Variants in SYT9 observed in about 807,000 individuals in gnomAD.
The protein encoded by SYT9 is synaptotagmin 9.
In SYT9, 22 loss-of-function variants were observed where a neutral mutation model predicts 48.4. The observed-to-expected ratio is 0.45, with a 90% CI of 0.32 to 0.65. SYT9 has a LOEUF of 0.65. Ranked by LOEUF, SYT9 falls within the 30% of genes least tolerant of loss-of-function variation. The pLI is 0.03. For synonymous variants in SYT9, 265 were observed against 245.0 expected, an observed-to-expected ratio of 1.08 and a Z score of -0.76; for missense variants, 577 against 622.0, an observed-to-expected ratio of 0.93 and a Z score of 0.77.
At chr11:7,419,342 T>C (rs1225017176) in intron 5 of SYT9, among the ~76,000 whole-genome samples, 1 of 152,162 alleles carries the variant, frequency 6.6e-6, no homozygotes. Context: ...TCTGCATGCA[T>C]TTGATTTTAA....
At chr11:7,292,277 G>A (rs1848708701) in intron 1 of SYT9, among the ~76,000 whole-genome samples, 1 of 152,208 alleles carries the variant, frequency 6.6e-6, no homozygotes, top group Non-Finnish European at 1.5e-5. Context: ...GACATCCACT[G>A]AAGAAGTGTG....
intron 3 of SYT9, among the ~76,000 whole-genome samples, chr11:7,415,554 A>T (rs925923109): frequency 6.6e-6 from 1 of 152,052 alleles, no homozygotes; most frequent in Non-Finnish European, 1.5e-5. Flanking sequence ...GATGCTGCAT[A>T]GGGCTGTGTG....
chr11:7,277,578 CA>C (rs1848420951), intron 1 of SYT9, among the ~76,000 whole-genome samples: 1 of 152,152 alleles, frequency 6.6e-6, no homozygotes, highest in Non-Finnish European at 1.5e-5. Flanking sequence ...GGCACTTTTT[CA>C]GCAGTAAAGT....
chr11:7,379,881 GAGGTTCTTCA>G (rs1850528811), intron 3 of SYT9, among the ~76,000 whole-genome samples: 1 of 152,120 alleles, frequency 6.6e-6, no homozygotes. Context: ...GAGCAGTTTG[GAGGTTCTTCA>G]AAAAGCTAAA....
chr11:7,418,167 G>A (rs1847287437), intron 5 of SYT9, 39 bp downstream of exon 5: 1 of 1,603,246 alleles, frequency 6.2e-7, no homozygotes, highest in African/African-American at 1.3e-5. Context: ...CAAGTTCACT[G>A]TGCCCAGGAC....
intron 1 of SYT9, among the ~76,000 whole-genome samples, chr11:7,261,136 G>C (rs1489914483): frequency 7.2e-5 from 11 of 152,182 alleles, no homozygotes; most frequent in Non-Finnish European, 1.6e-4. Flanking sequence ...GCCCTTAAGT[G>C]GGTCACAGGC....
intron 1 of SYT9, among the ~76,000 whole-genome samples, chr11:7,259,074 A>G (rs1301106611): frequency 6.6e-6 from 1 of 152,136 alleles, no homozygotes; most frequent in Non-Finnish European, 1.5e-5. Flanking sequence ...TAATTATACA[A>G]AACAATCATC....
chr11:7,240,907 C>G (rs970661171), intron 1 of SYT9, among the ~76,000 whole-genome samples: 2 of 151,948 alleles, frequency 1.3e-5, no homozygotes, highest in African/African-American at 4.8e-5. Context: ...TTCAATACAC[C>G]ACACCCTCAG....
chr11:7,357,883 T>G (rs1589969489), intron 3 of SYT9, among the ~76,000 whole-genome samples: 1 of 139,504 alleles, frequency 7.2e-6, no homozygotes, highest in Non-Finnish European at 1.6e-5. Context: ...CTTTATAATA[T>G]TGACTTTATC....
At chr11:7,385,187 T>C (rs1850634170) in intron 3 of SYT9, among the ~76,000 whole-genome samples, 1 of 152,144 alleles carries the variant, frequency 6.6e-6, no homozygotes, top group Non-Finnish European at 1.5e-5. Flanking sequence ...ACAAGAAATA[T>C]AAGCTCCATG....
chr11:7,382,477 G>A (rs972918550), intron 3 of SYT9, among the ~76,000 whole-genome samples: 4 of 152,082 alleles, frequency 2.6e-5, no homozygotes, highest in Admixed American at 2.0e-4. Flanking sequence ...TAGGTAGGAA[G>A]GCTGTGAGCA....
intron 6 of SYT9, among the ~76,000 whole-genome samples, chr11:7,464,173 G>A (rs1410134148): frequency 6.6e-6 from 1 of 152,088 alleles, no homozygotes; most frequent in Non-Finnish European, 1.5e-5. Flanking sequence ...CAGAACTGTG[G>A]GGGCAAACAA....
chr11:7,461,574 T>C (rs903371022), intron 6 of SYT9, among the ~76,000 whole-genome samples: 1 of 152,216 alleles, frequency 6.6e-6, no homozygotes, highest in Admixed American at 6.5e-5. Context: ...GGTTTCACCA[T>C]GTTGACCAGG....
intron 6 of SYT9, among the ~76,000 whole-genome samples, chr11:7,453,788 T>C (rs1292226410): frequency 2.0e-5 from 3 of 152,122 alleles, no homozygotes; most frequent in Non-Finnish European, 4.4e-5. Context: ...GCGTGGCCTG[T>C]CCAGAAGTAG....
rs1416960810 is a variant in SYT9 at position 7,269,839 on chromosome 11, AACAGAT to A, written c.145+17510_145+17515del. 8.5e-5 allele frequency among the ~76,000 whole-genome samples: 13 copies of A among 152,312 alleles called. No homozygotes were observed. The East Asian group carries it at 2.3e-3, about 27-fold the overall frequency. On this transcript the variant is annotated intron_variant, in intron 1 of 6. Transcript: ENST00000318881. ...AGTTGTTATTTTGGAAAAGGGGAAA[AACAGAT>A]ATGGGGTGGCAACTACCAGTGTCTG...
intron 1 of SYT9, among the ~76,000 whole-genome samples, chr11:7,290,647 T>C (rs1176965912): frequency 6.6e-6 from 1 of 152,202 alleles, no homozygotes; most frequent in Admixed American, 6.5e-5. Context: ...AAAATAGAAA[T>C]GTTATGTAGC....
At chr11:7,429,030 C>G (rs1183014171) in intron 6 of SYT9, among the ~76,000 whole-genome samples, 1 of 152,140 alleles carries the variant, frequency 6.6e-6, no homozygotes, top group Non-Finnish European at 1.5e-5. Flanking sequence ...AGTACTCACA[C>G]TCCAGCAACA....
Position 7,416,188 on chromosome 11 carries a change from C to G in SYT9, c.1165+26C>G, listed in dbSNP as rs561511880. The G allele has an allele frequency of 3.7e-6, 6 of 1,613,632 alleles. No homozygotes were observed. The South Asian group carries it at 4.4e-5, about 12-fold the overall frequency. On this transcript the variant is annotated intron_variant, in intron 4 of 6. Coordinates refer to ENST00000318881, the MANE Select transcript of SYT9 (RefSeq NM_175733.4). ...GTGGGGCATTTTCAAATTCAGACTT[C>G]CTCATGCACTTCTACTGTAGTAAGT...
intron 1 of SYT9, among the ~76,000 whole-genome samples, chr11:7,267,098 A>G (rs1447090502): frequency 6.6e-6 from 1 of 152,112 alleles, no homozygotes; most frequent in Non-Finnish European, 1.5e-5. Flanking sequence ...CATAAATAGT[A>G]CAATAAACTG....
Sources: gnomAD v4.1 joint callset for allele counts (sites outside exome capture counted in the v4.1 genomes callset) on GRCh38, gnomAD v4.1.1 for gene constraint, MANE v1.5 for transcripts, NCBI Gene and HGNC (gene_info 2026-07-23, HGNC 2026-07-21) for gene names.